The following ANKRD6 variants were observed in gnomAD, a reference collection of about 807,000 sequenced individuals.
ANKRD6 encodes ankyrin repeat domain 6, also known as ankyrin repeat domain-containing protein 6.
A neutral mutation model predicts 82.3 loss-of-function variants in ANKRD6; 56 were observed. The observed-to-expected ratio is 0.68, with a 90% CI of 0.55 to 0.85. The LOEUF (loss-of-function observed/expected upper bound fraction) is 0.85. ANKRD6 is among the 40% of genes least tolerant of loss of function. The probability of loss-of-function intolerance (pLI) is 0.00; values close to 1 mark genes in which losing one functional copy is unlikely to be tolerated. For missense variants in ANKRD6, 852 were observed against 907.6 expected (o/e 0.94, Z 0.79); for synonymous variants, 347 against 352.1 (o/e 0.99, Z 0.16).
At chr6:89,584,369 T>C (rs9451249) in intron 2 of ANKRD6, among the ~76,000 whole-genome samples, 33,823 of 152,174 alleles carry the variant, frequency 0.22, 4,093 homozygotes, top group African/African-American at 0.31. Flanking sequence ...GGTGGTCTTA[T>C]TGGCGAATTC....
chr6:89,480,865 C>T (rs1179167546), intron 1 of ANKRD6, among the ~76,000 whole-genome samples: 1 of 139,360 alleles, frequency 7.2e-6, no homozygotes, highest in Non-Finnish European at 1.5e-5. Context: ...TCACTTGAGC[C>T]CAGGAGGTTG....
At chr6:89,618,661 G>A (rs1802236324) in intron 9 of ANKRD6, among the ~76,000 whole-genome samples, 1 of 152,056 alleles carries the variant, frequency 6.6e-6, no homozygotes, top group South Asian at 2.1e-4. Context: ...TGAAACAACT[G>A]TTTTTGTTTC....
intron 1 of ANKRD6, among the ~76,000 whole-genome samples, chr6:89,527,717 C>T (rs1782676072): frequency 6.7e-6 from 1 of 149,826 alleles, no homozygotes; most frequent in African/African-American, 2.4e-5. Context: ...GTGGAGGTTT[C>T]TGCTGGTGGA....
rs1660543481 is a variant in ANKRD6, at chr6:89,599,383, G to A, written c.219+3369G>A. On this transcript the variant is annotated intron_variant, in intron 3 of 15. Coordinates refer to ENST00000339746, the MANE Select transcript of ANKRD6 (RefSeq NM_001242809.2). The stretch of plus-strand genomic sequence containing the variant: ...GTGAGACCCTGTCTCAAAATGAGTG[G>A]ATGTTCACCAAATAGATAATTCAGT... 2.0e-5 allele frequency among the ~76,000 whole-genome samples: 3 copies of A among 152,078 alleles called. No individual in the cohort carries two copies. In the South Asian group the frequency reaches 6.2e-4, roughly 31 times the overall value.
intron 2 of ANKRD6, among the ~76,000 whole-genome samples, chr6:89,579,756 CAAAAAAAA>C (rs61159223): frequency 2.9e-5 from 2 of 68,514 alleles, no homozygotes; most frequent in Non-Finnish European, 4.9e-5. Context: ...GACCCTGTCT[CAAAAAAAA>C]AAAAAAAAAA....
At chr6:89,578,797 G>C (rs938174265) in intron 2 of ANKRD6, among the ~76,000 whole-genome samples, 1 of 152,204 alleles carries the variant, frequency 6.6e-6, no homozygotes, top group Non-Finnish European at 1.5e-5. Context: ...TACCAATAAG[G>C]AAAGGGAGGT....
chr6:89,518,125 G>A (rs754172307), intron 1 of ANKRD6, among the ~76,000 whole-genome samples: 6 of 152,230 alleles, frequency 3.9e-5, no homozygotes, highest in South Asian at 4.2e-4. Flanking sequence ...TCTTATGGCC[G>A]GGCGTGGTGG....
At chr6:89,449,016 C>T (rs1163930745) in intron 1 of ANKRD6, among the ~76,000 whole-genome samples, 3 of 127,362 alleles carry the variant, frequency 2.4e-5, no homozygotes, top group African/African-American at 6.2e-5. Context: ...GGAGACACAG[C>T]GAGACTCCGT....
intron 15 of ANKRD6, among the ~76,000 whole-genome samples, chr6:89,629,839 G>A (rs940941473): frequency 2.6e-5 from 4 of 152,178 alleles, no homozygotes; most frequent in Non-Finnish European, 5.9e-5. Flanking sequence ...GTTACCACAG[G>A]CCATCTCTGG....
chr6:89,547,501 G>A (rs961969086), intron 1 of ANKRD6, among the ~76,000 whole-genome samples: 15 of 152,102 alleles, frequency 9.9e-5, no homozygotes, highest in African/African-American at 2.9e-4. Flanking sequence ...GCCTCTGGGG[G>A]GCAGCCTGCC....
At chr6:89,523,042 T>C (rs1248101208) in intron 1 of ANKRD6, among the ~76,000 whole-genome samples, 1 of 152,164 alleles carries the variant, frequency 6.6e-6, no homozygotes, top group Non-Finnish European at 1.5e-5. Flanking sequence ...CTAGGTGAGA[T>C]GGAGACAGCA....
chr6:89,450,214 A>G (rs1385772024), intron 1 of ANKRD6, among the ~76,000 whole-genome samples: 2 of 151,854 alleles, frequency 1.3e-5, no homozygotes, highest in Non-Finnish European at 2.9e-5. Context: ...GCAGGCGCCT[A>G]TAATCCCAGC....
At chr6:89,625,472 A>G (rs530787967) in intron 13 of ANKRD6, among the ~76,000 whole-genome samples, 3 of 152,172 alleles carry the variant, frequency 2.0e-5, no homozygotes, top group Non-Finnish European at 4.4e-5. Context: ...TAATGGAGTG[A>G]ATGCTTGTAT....
At chr6:89,547,389 A>C (rs1785236828) in intron 1 of ANKRD6, among the ~76,000 whole-genome samples, 1 of 152,212 alleles carries the variant, frequency 6.6e-6, no homozygotes, top group Admixed American at 6.5e-5. Context: ...CATGGCCTGC[A>C]GACCTGATGT....
In ANKRD6 at chr6:89,509,337, C is replaced by T. The variant is rs552179580; in HGVS notation, c.-143-57497C>T. 6 of 152,346 alleles carry T rather than the reference C, an allele frequency of 3.9e-5. No homozygotes were observed. The East Asian group carries it at 9.7e-4, about 25-fold the overall frequency. 9.4% of individuals were successfully genotyped at this position (152,346 alleles called of 1,614,324 possible). A position where few individuals can be genotyped will look rare whatever the true frequency, so the allele number is the denominator to read the frequency against. ...CAGAGAGCAAACAATGAAAAGACCA[C>T]ACTGGGCCAAGTCAGTGACCCATGA... On this transcript the variant is annotated intron_variant, in intron 1 of 15. Transcript: ENST00000339746.
intron 15 of ANKRD6, among the ~76,000 whole-genome samples, chr6:89,629,933 C>T (rs1029113810): frequency 2.6e-5 from 4 of 152,162 alleles, no homozygotes; most frequent in African/African-American, 9.7e-5. Flanking sequence ...TAGGGCTTGT[C>T]GTGGAGCTCT....
chr6:89,479,233 C>G (rs546273788), intron 1 of ANKRD6, among the ~76,000 whole-genome samples: 14 of 152,236 alleles, frequency 9.2e-5, no homozygotes, highest in Admixed American at 3.3e-4. Flanking sequence ...ATCACTTGAG[C>G]TGAATTTTGA....
chr6:89,574,558 G>A (rs756818687), intron 2 of ANKRD6, among the ~76,000 whole-genome samples: 5 of 152,164 alleles, frequency 3.3e-5, no homozygotes, highest in Non-Finnish European at 4.4e-5. Context: ...CATCTGTGCC[G>A]AATGAGGGGA....
chr6:89,491,859 T>C (rs993473829), intron 1 of ANKRD6, among the ~76,000 whole-genome samples: 9 of 152,190 alleles, frequency 5.9e-5, no homozygotes, highest in Non-Finnish European at 1.2e-4. Flanking sequence ...TAATTCTCCC[T>C]GAAGATGAAG....
Sources: allele counts gnomAD v4.1 joint callset (sites outside exome capture counted in the v4.1 genomes callset), GRCh38; gene constraint gnomAD v4.1.1; transcripts MANE v1.5; gene names NCBI Gene and HGNC (gene_info 2026-07-23, HGNC 2026-07-21).